Variants in TRIO observed in about 807,000 individuals in gnomAD.
The protein encoded by TRIO is triple functional domain protein.
Under a neutral mutation model 351.9 loss-of-function variants are expected in TRIO, and 58 were observed. The ratio of observed to expected loss-of-function variants is 0.16; its 90% confidence interval spans 0.13 to 0.21. TRIO has a LOEUF of 0.21. TRIO is among the 10% of genes least tolerant of loss of function. The pLI, the probability that TRIO is intolerant of heterozygous loss-of-function variation, is 1.00. For synonymous variants in TRIO, 1,758 were observed against 1,595.7 expected (o/e 1.10, Z -2.42); for missense variants, 3,201 against 4,027.8 (o/e 0.79, Z 5.56).
intron 1 of TRIO, among the ~76,000 whole-genome samples, chr5:14,213,801 T>A (rs142227282): frequency 3.7e-4 from 56 of 152,282 alleles, no homozygotes; most frequent in African/African-American, 1.3e-3. Flanking sequence ...TAGGGTTTAT[T>A]CAAGTAAGAC....
At chr5:14,148,112 T>C (rs1787620084) in intron 1 of TRIO, among the ~76,000 whole-genome samples, 1 of 152,228 alleles carries the variant, frequency 6.6e-6, no homozygotes, top group Admixed American at 6.5e-5. Context: ...ATTTTTTCCC[T>C]TTGCAATTTA....
intron 7 of TRIO, among the ~76,000 whole-genome samples, chr5:14,300,758 C>T (rs963947124): frequency 6.6e-6 from 1 of 152,148 alleles, no homozygotes; most frequent in Non-Finnish European, 1.5e-5. Flanking sequence ...CTAGAACTTT[C>T]GCTGAGGTCT....
intron 1 of TRIO, among the ~76,000 whole-genome samples, chr5:14,145,053 G>C (rs1391557723): frequency 2.6e-5 from 4 of 152,054 alleles, no homozygotes; most frequent in Admixed American, 6.5e-5. Flanking sequence ...CGGGGGTGCT[G>C]GTGGCGGCCT....
intron 7 of TRIO, among the ~76,000 whole-genome samples, chr5:14,302,143 G>A (rs1161071978): frequency 6.6e-6 from 1 of 152,066 alleles, no homozygotes; most frequent in Non-Finnish European, 1.5e-5. Context: ...TTCTTTATTG[G>A]TTGTTGCTTC....
intron 40 of TRIO, among the ~76,000 whole-genome samples, chr5:14,474,408 C>T (rs953937944): frequency 1.3e-5 from 2 of 152,194 alleles, no homozygotes; most frequent in Non-Finnish European, 2.9e-5. Context: ...CTCGGCCTCC[C>T]TGCTGTACAC....
intron 1 of TRIO, among the ~76,000 whole-genome samples, chr5:14,176,332 T>C (rs1270113210): frequency 6.6e-6 from 1 of 152,050 alleles, no homozygotes; most frequent in Non-Finnish European, 1.5e-5. Flanking sequence ...TAGCCGGACA[T>C]GGTGGCGGGC....
chr5:14,416,855 G>A (rs1465780015), intron 33 of TRIO, among the ~76,000 whole-genome samples: 2 of 152,300 alleles, frequency 1.3e-5, no homozygotes, highest in African/African-American at 2.4e-5. Context: ...ACTTCCCAGC[G>A]TCTGGGAGTG....
chr5:14,282,660 A>C (rs1459560773), intron 3 of TRIO, among the ~76,000 whole-genome samples: 1 of 152,166 alleles, frequency 6.6e-6, no homozygotes, highest in East Asian at 1.9e-4. Flanking sequence ...ACCCAGCTTC[A>C]GCGTTTATCA....
chr5:14,318,010 C>A (rs750716158), intron 9 of TRIO, among the ~76,000 whole-genome samples: 14 of 152,110 alleles, frequency 9.2e-5, no homozygotes, highest in Non-Finnish European at 1.5e-5. Context: ...GCCTGTAATC[C>A]CAGCTATTTG....
intron 1 of TRIO, among the ~76,000 whole-genome samples, chr5:14,243,138 G>T (rs1197636379): frequency 1.3e-5 from 2 of 152,080 alleles, no homozygotes; most frequent in African/African-American, 4.8e-5. Context: ...AAGAATTCCG[G>T]GCACTCCCAT....
chr5:14,479,167 G>C (rs2126592953), intron 41 of TRIO, 94 bp from the exon 42 acceptor site: 1 of 1,021,824 alleles, frequency 9.8e-7, no homozygotes, highest in South Asian at 1.3e-5. Context: ...TAAGATGAGT[G>C]CCTTTATGAA....
At chr5:14,396,850 G>C (rs960830696) in intron 28 of TRIO, among the ~76,000 whole-genome samples, 193 bp from the exon 29 acceptor site, 1 of 152,110 alleles carries the variant, frequency 6.6e-6, no homozygotes, top group Non-Finnish European at 1.5e-5. Context: ...GGCTTACTCT[G>C]ATTAGAACAG....
At chr5:14,495,659 A>AAG (rs1756834830) in intron 49 of TRIO, among the ~76,000 whole-genome samples, 1 of 38,988 alleles carries the variant, frequency 2.6e-5, no homozygotes, top group Non-Finnish European at 4.8e-5. Flanking sequence ...TCTCTACTAG[A>AAG]AAAAAAAAAA....
chr5:14,222,603 C>T (rs988484254), intron 1 of TRIO, among the ~76,000 whole-genome samples: 1 of 152,192 alleles, frequency 6.6e-6, no homozygotes, highest in East Asian at 1.9e-4. Flanking sequence ...CCTTCCAGAC[C>T]TCTTTTCTCA....
At chr5:14,227,155 C>T (rs908894589) in intron 1 of TRIO, among the ~76,000 whole-genome samples, 1 of 152,186 alleles carries the variant, frequency 6.6e-6, no homozygotes, top group Non-Finnish European at 1.5e-5. Context: ...GTTCCGCACC[C>T]GCAGTCCTTG....
intron 1 of TRIO, among the ~76,000 whole-genome samples, chr5:14,149,904 G>A (rs547954671): frequency 1.3e-5 from 2 of 152,354 alleles, no homozygotes; most frequent in East Asian, 1.9e-4. Context: ...TGGTGTCCAC[G>A]TGAGTTGATC....
rs946590200 is a variant in TRIO, at chr5:14,191,006, C to T, written c.157+47124C>T. On this transcript the variant is annotated intron_variant, in intron 1 of 56. Coordinates refer to ENST00000344204, the MANE Select transcript of TRIO (RefSeq NM_007118.4). ...ATATTATAATTAATAACTAGCGCAG[C>T]GTGTTCTCCAAAGGGGCAGCTGCAG... 3.9e-5 allele frequency among the ~76,000 whole-genome samples: 6 copies of T among 152,196 alleles called. No individual in the cohort carries two copies. The East Asian group carries it at 5.8e-4, about 15-fold the overall frequency.
At chr5:14,396,514 G>T (rs1371483538) in intron 28 of TRIO, among the ~76,000 whole-genome samples, 1 of 114,934 alleles carries the variant, frequency 8.7e-6, no homozygotes, top group African/African-American at 3.4e-5. Flanking sequence ...CTGTCCCCCA[G>T]GCTGGAGTGC....
At chr5:14,323,411 C>T (rs1392675937) in intron 9 of TRIO, among the ~76,000 whole-genome samples, 5 of 152,084 alleles carry the variant, frequency 3.3e-5, no homozygotes, top group African/African-American at 9.7e-5. Flanking sequence ...GTAAAATCAA[C>T]GTGATACTGA....
Sources: allele counts gnomAD v4.1 joint callset (sites outside exome capture counted in the v4.1 genomes callset), GRCh38; gene constraint gnomAD v4.1.1; transcripts MANE v1.5; gene names NCBI Gene and HGNC (gene_info 2026-07-23, HGNC 2026-07-21).